Variants in C12orf42 observed in about 807,000 individuals in gnomAD.
The protein encoded by C12orf42 is chromosome 12 open reading frame 42.
C12orf42 carries 25 observed loss-of-function variants against 21.6 expected under a neutral mutation model. The observed-to-expected ratio is 1.16, with a 90% CI of 0.84 to 1.62. C12orf42 has a LOEUF of 1.62. C12orf42 is among the 40% of genes most tolerant of loss of function. The pLI, the probability that C12orf42 is intolerant of heterozygous loss-of-function variation, is 0.00. For synonymous variants in C12orf42, 174 were observed against 175.0 expected, an observed-to-expected ratio of 0.99 and a Z score of 0.05; for missense variants, 483 against 459.3, an observed-to-expected ratio of 1.05 and a Z score of -0.47.
At chr12:103,222,514 C>T in the C12orf42 span, among the ~76,000 whole-genome samples, 28 of 152,162 alleles carry the variant, frequency 1.8e-4, no homozygotes, top group African/African-American at 4.1e-4. Context: ...TCTGGGCATA[C>T]ACGTGCAAGT....
the C12orf42 span, among the ~76,000 whole-genome samples, chr12:103,146,534 A>G: frequency 0.016 from 2,327 of 147,456 alleles, 31 homozygotes; most frequent in South Asian, 0.032. Flanking sequence ...GAAAGAAAAG[A>G]AAGAAAGAAA....
intron 1 of C12orf42, among the ~76,000 whole-genome samples, chr12:103,481,785 GTTC>G: frequency 6.8e-6 from 1 of 147,806 alleles, no homozygotes; most frequent in East Asian, 2.0e-4. Context: ...ACGTGTCCTG[GTTC>G]TTCTGTTTTT....
chr12:103,487,783 C>CT (rs1173416149), intron 1 of C12orf42, among the ~76,000 whole-genome samples: 2 of 151,832 alleles, frequency 1.3e-5, no homozygotes, highest in Non-Finnish European at 2.9e-5. Flanking sequence ...GCAACCCCTC[C>CT]TTTTTTTTGC....
the C12orf42 span, among the ~76,000 whole-genome samples, chr12:103,169,106 C>T: frequency 2.0e-5 from 3 of 151,284 alleles, no homozygotes; most frequent in African/African-American, 7.3e-5. Context: ...ATGTGTATAC[C>T]TATGTAACAA....
the C12orf42 span, among the ~76,000 whole-genome samples, chr12:103,099,255 T>C: frequency 6.6e-6 from 1 of 152,246 alleles, no homozygotes; most frequent in Non-Finnish European, 1.5e-5. Flanking sequence ...AAACACATAG[T>C]TCACTTTTTG....
At chr12:103,189,984 T>TATATATACAC in the C12orf42 span, among the ~76,000 whole-genome samples, 1 of 151,206 alleles carries the variant, frequency 6.6e-6, no homozygotes, top group African/African-American at 2.4e-5. Context: ...TATATATATA[T>TATATATACAC]ACACACACAC....
At chr12:103,462,162 C>T (rs1952777852) in intron 2 of C12orf42, among the ~76,000 whole-genome samples, 1 of 118,746 alleles carries the variant, frequency 8.4e-6, no homozygotes, top group African/African-American at 3.4e-5. Context: ...GGCTGGAGTG[C>T]AATGGTGCGA....
At chr12:103,109,426 A>C in the C12orf42 span, among the ~76,000 whole-genome samples, 1 of 152,068 alleles carries the variant, frequency 6.6e-6, no homozygotes, top group Non-Finnish European at 1.5e-5. Context: ...ATTGTAGATC[A>C]CTGGAGAGTG....
At chr12:103,476,905 A>T (rs945644978) in intron 2 of C12orf42, 1 of 152,148 alleles carries the variant, frequency 6.6e-6, no homozygotes. Flanking sequence ...CTCATATAGC[A>T]CTCTTAGTGA....
intron 2 of C12orf42, among the ~76,000 whole-genome samples, chr12:103,453,791 T>A (rs1003203571): frequency 1.3e-5 from 2 of 152,086 alleles, no homozygotes; most frequent in Admixed American, 6.6e-5. Flanking sequence ...ATAAATCAGA[T>A]TTCCTGTTAA....
the C12orf42 span, among the ~76,000 whole-genome samples, chr12:103,169,421 T>G: frequency 8.1e-5 from 12 of 148,058 alleles, no homozygotes; most frequent in Admixed American, 2.0e-4. Context: ...ATTCTTAAAC[T>G]CAAAAAAAAA....
chr12:103,250,597 G>A (rs1042293166), intron 10 of C12orf42, among the ~76,000 whole-genome samples: 1 of 152,100 alleles, frequency 6.6e-6, no homozygotes, highest in Non-Finnish European at 1.5e-5. Context: ...TCCCCCAAAG[G>A]ACAGAGGGAG....
At chr12:103,375,919 TCTC>T (rs1172820225) in intron 3 of C12orf42, among the ~76,000 whole-genome samples, 2 of 152,166 alleles carry the variant, frequency 1.3e-5, no homozygotes, top group Admixed American at 6.6e-5. Flanking sequence ...AGGTGGCCCT[TCTC>T]CTAACCTGCA....
chr12:103,353,607 C>G (rs1289977182), intron 4 of C12orf42, among the ~76,000 whole-genome samples: 4 of 152,124 alleles, frequency 2.6e-5, no homozygotes, highest in Non-Finnish European at 5.9e-5. Flanking sequence ...GGAGACACTT[C>G]CTGAATTTCC....
chr12:103,488,062 A>G (rs1039494186), intron 1 of C12orf42, among the ~76,000 whole-genome samples: 1 of 152,282 alleles, frequency 6.6e-6, no homozygotes, highest in Admixed American at 6.5e-5. Flanking sequence ...GATGGTCTTT[A>G]CAATTTGGCA....
intron 4 of C12orf42, among the ~76,000 whole-genome samples, chr12:103,334,805 C>T (rs770791505): frequency 3.3e-5 from 5 of 152,180 alleles, no homozygotes; most frequent in East Asian, 1.9e-4. Context: ...CACCATATGG[C>T]GAATAATTAG....
chr12:103,326,063 T>C (rs777863813), intron 4 of C12orf42, among the ~76,000 whole-genome samples: 5 of 152,202 alleles, frequency 3.3e-5, no homozygotes, highest in Non-Finnish European at 5.9e-5. Context: ...ATTAACTAAT[T>C]TAATTTCCTC....
At chr12:103,440,361 A>G (rs10861011) in intron 2 of C12orf42, among the ~76,000 whole-genome samples, 83,894 of 135,468 alleles carry the variant, frequency 0.62, 26,778 homozygotes, top group Admixed American at 0.71. Flanking sequence ...ATACATATGT[A>G]ACTAACCTGC....
chr12:103,066,659 T>G, the C12orf42 span, among the ~76,000 whole-genome samples: 1 of 152,210 alleles, frequency 6.6e-6, no homozygotes, highest in South Asian at 2.1e-4. Flanking sequence ...GTCAGCTGTG[T>G]GATTATGTAC....
Sources: allele counts gnomAD v4.1 joint callset (sites outside exome capture counted in the v4.1 genomes callset), GRCh38; gene constraint gnomAD v4.1.1; transcripts MANE v1.5; gene names NCBI Gene and HGNC (gene_info 2026-07-23, HGNC 2026-07-21).